CCDC171: variants seen among roughly 807,000 people sequenced by gnomAD.
CCDC171 encodes coiled-coil domain-containing protein 171.
CCDC171 carries 177 observed loss-of-function variants against 168.2 expected under a neutral mutation model. The observed-to-expected ratio is 1.05, with a 90% CI of 0.93 to 1.19. The LOEUF (loss-of-function observed/expected upper bound fraction) is 1.19. CCDC171 is among the 50% of genes most tolerant of loss of function. CCDC171 has a pLI of 0.00. For missense variants in CCDC171, 1,991 were observed against 1,539.0 expected (o/e 1.29, Z -4.91); for synonymous variants, 687 against 540.8 (o/e 1.27, Z -3.75).
intron 3 of CCDC171, among the ~76,000 whole-genome samples, chr9:15,997,606 C>A (rs1352800299): frequency 6.6e-6 from 1 of 150,478 alleles, no homozygotes; most frequent in Non-Finnish European, 1.5e-5. Flanking sequence ...ACTACAGCCC[C>A]TGTTGCTGTA....
chr9:15,832,102 G>C (rs568803577), intron 21 of CCDC171, among the ~76,000 whole-genome samples: 1 of 152,010 alleles, frequency 6.6e-6, no homozygotes, highest in Non-Finnish European at 1.5e-5. Context: ...CTTTTCCCAT[G>C]ATCTTCTTTT....
chr9:16,050,031 C>T (rs3008674), intron 1 of CCDC171, among the ~76,000 whole-genome samples: 97,517 of 151,942 alleles, frequency 0.64, 34,228 homozygotes, highest in East Asian at 0.85. Flanking sequence ...GGATTACAGG[C>T]GCATGCCACC....
chr9:15,724,979 A>G lies in CCDC171; in HGVS notation c.1692+3A>G, dbSNP rs1381503777. The G allele has an allele frequency of 5.0e-6, 8 of 1,610,074 alleles. No homozygotes were observed. In the Admixed American group the frequency reaches 1.2e-4, roughly 24 times the overall value. On this transcript the variant is annotated splice_donor_region_variant and intron_variant, in intron 14 of 25. Transcript: ENST00000380701. ...AGGCTTTCCATAAGGATGCAGAGGTATTACCTGAGACTCAATGACTGTCAG... is the reference window on the plus strand; with the variant it reads ...AGGCTTTCCATAAGGATGCAGAGGTGTTACCTGAGACTCAATGACTGTCAG...
chr9:15,850,289 A>G lies in CCDC171; in HGVS notation c.3468+1342A>G, dbSNP rs191386131. ...TGGGGAATGAACTTCGACGTCAGGG[A>G]AAAACCATCACCAATATGAAATGTA... On this transcript the variant is annotated intron_variant, in intron 23 of 25. Transcript: ENST00000380701. 439 of 152,098 alleles carry G rather than the reference A, an allele frequency of 2.9e-3. 2 individuals carry two copies. The highest frequency in any genetic ancestry group is 0.01 in the African/African-American group (422 of 41,550). The allele number at this position is 152,098 out of a possible 1,614,324, so 9.4% of individuals were successfully genotyped here. A position where few individuals can be genotyped will look rare whatever the true frequency, so the allele number is the denominator to read the frequency against.
At chr9:15,624,208 A>G (rs2044832026) in intron 7 of CCDC171, among the ~76,000 whole-genome samples, 1 of 152,176 alleles carries the variant, frequency 6.6e-6, no homozygotes, top group Non-Finnish European at 1.5e-5. Flanking sequence ...TTTAGATGAT[A>G]TGTAAATAAA....
intron 11 of CCDC171, among the ~76,000 whole-genome samples, chr9:15,696,259 G>C (rs1262668174): frequency 6.6e-6 from 1 of 152,152 alleles, no homozygotes; most frequent in Non-Finnish European, 1.5e-5. Context: ...AAACTTGGAA[G>C]GACCTCATCA....
chr9:15,569,846 C>CAAACA (rs2040071497), intron 2 of CCDC171, among the ~76,000 whole-genome samples: 2,330 of 139,728 alleles, frequency 0.017, 63 homozygotes, highest in African/African-American at 0.06. Context: ...AACAAACAAA[C>CAAACA]AAAAAAAAAA....
intron 20 of CCDC171, among the ~76,000 whole-genome samples, chr9:15,780,401 G>T (rs1460054727): frequency 6.8e-6 from 1 of 146,798 alleles, no homozygotes; most frequent in Non-Finnish European, 1.5e-5. Context: ...AGAAAGTTTA[G>T]ACTGGGTATG....
chr9:15,932,341 G>A (rs1373664119), intron 25 of CCDC171, among the ~76,000 whole-genome samples: 1 of 151,576 alleles, frequency 6.6e-6, no homozygotes, highest in Non-Finnish European at 1.5e-5. Context: ...TGGTTACGTT[G>A]CTTCATAGAT....
intron 11 of CCDC171, among the ~76,000 whole-genome samples, chr9:15,711,645 G>A (rs1212445910): frequency 1.3e-5 from 2 of 152,180 alleles, no homozygotes. Flanking sequence ...TTTGAATAAG[G>A]AATTTGTTGT....
the CCDC171 span, among the ~76,000 whole-genome samples, chr9:16,076,584 C>T: frequency 6.6e-6 from 1 of 152,192 alleles, no homozygotes; most frequent in African/African-American, 2.4e-5. Flanking sequence ...TTCCGGCAGC[C>T]TTCAGCTCTC....
intron 25 of CCDC171, among the ~76,000 whole-genome samples, chr9:15,945,819 A>AT (rs1255896077): frequency 6.6e-6 from 1 of 151,524 alleles, no homozygotes; most frequent in Non-Finnish European, 1.5e-5. Context: ...ATTTTCTCCC[A>AT]TTTTGTGGGT....
chr9:15,698,520 C>CA (rs35301658), intron 11 of CCDC171, among the ~76,000 whole-genome samples: 1,722 of 106,920 alleles, frequency 0.016, 54 homozygotes, highest in African/African-American at 0.055. Context: ...GACCCCGTCT[C>CA]AAAAAAAAAA....
At chr9:15,647,523 G>C (rs1235028273) in intron 7 of CCDC171, among the ~76,000 whole-genome samples, 2 of 151,914 alleles carry the variant, frequency 1.3e-5, no homozygotes, top group Non-Finnish European at 2.9e-5. Context: ...GAAGAAAAGA[G>C]AGAAGAATCA....
chr9:16,069,906 A>C, the CCDC171 span, among the ~76,000 whole-genome samples: 2 of 152,056 alleles, frequency 1.3e-5, no homozygotes, highest in African/African-American at 4.8e-5. Context: ...GGATTCTAAC[A>C]TTGGATGTGA....
chr9:15,887,302 G>A (rs1819561959), intron 24 of CCDC171, among the ~76,000 whole-genome samples: 2 of 152,232 alleles, frequency 1.3e-5, no homozygotes, highest in African/African-American at 4.8e-5. Context: ...TAAGTAACCA[G>A]TGAAATGTAG....
intron 7 of CCDC171, among the ~76,000 whole-genome samples, chr9:15,633,035 A>G (rs1278171717): frequency 1.3e-5 from 2 of 152,220 alleles, no homozygotes; most frequent in African/African-American, 2.4e-5. Context: ...GATGGATTAA[A>G]GACTTAAACG....
In CCDC171 at chr9:16,017,742, A is replaced by C. The variant is rs548589710; in HGVS notation, n.369-2847A>C. Reference sequence around the variant, plus strand: ...TTATAACTGACCTTGGGTGAACTTGAAATCAGTCAGGTTCAGTAGCAAGAA... The same window carrying C: ...TTATAACTGACCTTGGGTGAACTTGCAATCAGTCAGGTTCAGTAGCAAGAA... On this transcript the variant is annotated intron_variant and non_coding_transcript_variant, in intron 3 of 9. Transcript: ENST00000486641. Among the ~76,000 whole-genome samples the C allele has an allele frequency of 9.8e-5, 15 of 152,342 alleles. No homozygotes were observed. In the South Asian group the frequency reaches 2.9e-3, roughly 29 times the overall value.
chr9:15,694,195 C>G (rs1564225471), intron 10 of CCDC171, among the ~76,000 whole-genome samples: 1 of 152,044 alleles, frequency 6.6e-6, no homozygotes, highest in Non-Finnish European at 1.5e-5. Context: ...TGCTGGAGTT[C>G]CATAAGACTT....
Sources: gnomAD v4.1 joint callset for allele counts (sites outside exome capture counted in the v4.1 genomes callset) on GRCh38, gnomAD v4.1.1 for gene constraint, MANE v1.5 for transcripts, NCBI Gene and HGNC (gene_info 2026-07-23, HGNC 2026-07-21) for gene names.